Variants in PRKCD observed in about 807,000 individuals in gnomAD.
PRKCD encodes protein kinase C delta type.
A neutral mutation model predicts 82.2 loss-of-function variants in PRKCD; 20 were observed. The observed-to-expected ratio is 0.24, with a 90% CI of 0.17 to 0.35. PRKCD has a LOEUF of 0.35. PRKCD is among the 10% of genes least tolerant of loss of function. The probability of loss-of-function intolerance (pLI) is 1.00; values close to 1 mark genes in which losing one functional copy is unlikely to be tolerated. For missense variants in PRKCD, 607 were observed against 899.0 expected (o/e 0.68, Z 4.15); for synonymous variants, 317 against 337.0 (o/e 0.94, Z 0.65).
In PRKCD at chr3:53,169,614, G is replaced by T. The variant is rs368754280; in HGVS notation, c.-20+4399G>T. Among the ~76,000 whole-genome samples, 29 of 152,276 alleles carry T rather than the reference G, an allele frequency of 1.9e-4. No individual in the cohort carries two copies. The South Asian group carries it at 5.8e-3, about 30-fold the overall frequency. ...GGTTGTGGGCTGGGGTTGTTGGGGT[G>T]GGAGGAGGATCCCAGGGTCCTCCAG... On this transcript the variant is annotated intron_variant, in intron 2 of 18. Transcript: ENST00000330452. The surrounding 1 kb of genome is among the most constrained non-coding windows in gnomAD (Gnocchi z 4.7).
intron 17 of PRKCD, among the ~76,000 whole-genome samples, chr3:53,189,474 C>T (rs1176338827): frequency 3.3e-5 from 5 of 152,218 alleles, no homozygotes; most frequent in African/African-American, 1.2e-4. Flanking sequence ...GGTCAGGAGA[C>T]AGACCCGAGG....
chr3:53,165,991 G>T (rs577708662), intron 2 of PRKCD, among the ~76,000 whole-genome samples: 7 of 152,306 alleles, frequency 4.6e-5, no homozygotes, highest in African/African-American at 1.7e-4. Context: ...ACTGGTGGTG[G>T]GTATGGGTGC....
At chr3:53,185,137 G>A (rs1703625533) in intron 10 of PRKCD, among the ~76,000 whole-genome samples, 163 bp downstream of exon 10, 1 of 152,184 alleles carries the variant, frequency 6.6e-6, no homozygotes, top group Non-Finnish European at 1.5e-5. Flanking sequence ...GAGGGAGGGG[G>A]GCTTTTTTTC....
At chr3:53,165,001 A>C (rs1702788127) in intron 1 of PRKCD, 103 bp from the exon 2 acceptor site, 2 of 152,200 alleles carry the variant, frequency 1.3e-5, no homozygotes, top group Admixed American at 6.5e-5. Context: ...TTTTAGGTCC[A>C]GGAGAGACTG....
Position 53,192,110 on chromosome 3 carries a change from G to T in PRKCD, c.1875G>T (p.Lys625Asn). 1 of 1,614,004 alleles carries T rather than the reference G, an allele frequency of 6.2e-7. No homozygotes were observed. The highest frequency in any genetic ancestry group is 8.5e-7 in the Non-Finnish European group (1 of 1,179,986). ...RLEPPFRPKVKSPRDYSNFDQ... is the reference protein window; with the variant it reads ...RLEPPFRPKVNSPRDYSNFDQ... ...TCACCCCTGCCCTCTGCTTGTAGAAGTCACCCAGAGACTACAGTAACTTTG... is the reference window on the plus strand; with the variant it reads ...TCACCCCTGCCCTCTGCTTGTAGAATTCACCCAGAGACTACAGTAACTTTG... The change falls in exon 19 of 19, where the codon AAG becomes AAT. Residue 625 changes from lysine (K) to asparagine (N), a missense_variant and splice_region_variant. This residue lies in a region of PRKCD where 251 missense variants were observed against 423.9 expected (regional missense o/e 0.59). Transcript: ENST00000330452.
intron 3 of PRKCD, among the ~76,000 whole-genome samples, chr3:53,178,966 A>C (rs1553666556): frequency 1.3e-5 from 2 of 152,198 alleles, no homozygotes; most frequent in Non-Finnish European, 1.5e-5. Flanking sequence ...TCTGAACCTG[A>C]GGTCAGGGAG....
chr3:53,185,495 G>T, intron 10 of PRKCD, 109 bp from the exon 11 acceptor site: 2 of 897,826 alleles, frequency 2.2e-6, no homozygotes, highest in Non-Finnish European at 3.5e-6. Context: ...TGCCCCTGTT[G>T]TCTCCTCTTG....
chr3:53,182,556 A>G (rs1238067275), intron 7 of PRKCD, among the ~76,000 whole-genome samples: 4 of 152,210 alleles, frequency 2.6e-5, no homozygotes, highest in Non-Finnish European at 5.9e-5. Context: ...GGCGTGAGCC[A>G]TCGTGCCTGG....
At position 53,183,097 on chromosome 3, in the gene PRKCD, C is replaced by A. The variant is rs544971256; in HGVS notation, c.572-24C>A. On this transcript the variant is annotated intron_variant, in intron 7 of 18. Transcript: ENST00000330452. ...CCCCTCCCGGTGCTTTCCCTTCCCC[C>A]TCCTGGGCCTGTGCCTCTTCAAGAA... 18 of 1,613,266 alleles carry A rather than the reference C, an allele frequency of 1.1e-5. No homozygotes were observed. The East Asian group carries it at 2.9e-4, about 26-fold the overall frequency.
In PRKCD at chr3:53,181,439, A is replaced by C. The variant is rs782743798; in HGVS notation, c.377-5A>C. The C allele has an allele frequency of 3.7e-6, 6 of 1,614,156 alleles. No homozygotes were observed. The highest frequency in any genetic ancestry group is 5.1e-6 in the Non-Finnish European group (6 of 1,179,994). On this transcript the variant is annotated splice_region_variant and splice_polypyrimidine_tract_variant and intron_variant, in intron 5 of 18. Transcript: ENST00000330452. ...GGGCTGACTTCCCTACTCCATGGTC[A>C]CCAGATTGCAAACAGTCTATGCGCA...
intron 9 of PRKCD, 24 bp from the exon 10 acceptor site, chr3:53,184,850 A>T: frequency 1.2e-6 from 2 of 1,608,836 alleles, no homozygotes; most frequent in Non-Finnish European, 1.7e-6. Context: ...TGAGACTGAC[A>T]GCCCCGCTTC....
intron 15 of PRKCD, 87 bp downstream of exon 15, chr3:53,187,489 C>A: frequency 7.0e-7 from 1 of 1,432,228 alleles, no homozygotes; most frequent in Non-Finnish European, 9.7e-7. Context: ...AGGATCCCCC[C>A]AACTCCAGTT....
intron 1 of PRKCD, among the ~76,000 whole-genome samples, chr3:53,163,404 C>T (rs57046386): frequency 0.1 from 15,131 of 151,654 alleles, 974 homozygotes; most frequent in East Asian, 0.22. Context: ...TGTGGGAGAC[C>T]ATGAGGATGT....
chr3:53,176,191 C>T (rs1333521305), intron 2 of PRKCD, among the ~76,000 whole-genome samples: 8 of 152,094 alleles, frequency 5.3e-5, no homozygotes, highest in African/African-American at 1.7e-4. Context: ...CTGAAGGCTT[C>T]GGGACTTGGG....
chr3:53,189,272 T>C, intron 17 of PRKCD, 26 bp downstream of exon 17: 1 of 542,100 alleles, frequency 1.8e-6, no homozygotes, highest in Non-Finnish European at 2.7e-6. Flanking sequence ...TGGGCTGGGC[T>C]GGTCTGGGCT....
chr3:53,187,546 T>A, intron 15 of PRKCD, 144 bp downstream of exon 15: 1 of 939,796 alleles, frequency 1.1e-6, no homozygotes, highest in Non-Finnish European at 1.6e-6. Context: ...TGCCTATGCC[T>A]CCCACCCTGG....
chr3:53,178,371 C>G lies in PRKCD; in HGVS notation c.-19-33C>G, dbSNP rs924762248. 3.3e-6 allele frequency: 5 copies of G among 1,504,948 alleles called. No homozygotes were observed. The African/African-American group carries it at 6.9e-5, about 21-fold the overall frequency. The allele number at this position is 1,504,948 out of a possible 1,614,324, so 93.2% of individuals were successfully genotyped here. On this transcript the variant is annotated intron_variant, in intron 2 of 18. Coordinates refer to ENST00000330452, the MANE Select transcript of PRKCD (RefSeq NM_006254.4). The stretch of plus-strand genomic sequence containing the variant: ...CGTGACTGTTCCCGCTGGTCCCGCC[C>G]GGCCGCCTGGCCTCACCCCTCTGTG...
chr3:53,186,447 G>T (rs1447740435), intron 13 of PRKCD, 107 bp downstream of exon 13: 2 of 1,425,936 alleles, frequency 1.4e-6, no homozygotes, highest in African/African-American at 1.5e-5. Flanking sequence ...CTTAAGGCAG[G>T]GCCATGCTTT....
chr3:53,182,872 C>T (rs565404142), intron 7 of PRKCD, among the ~76,000 whole-genome samples: 75 of 152,316 alleles, frequency 4.9e-4, no homozygotes, highest in South Asian at 4.3e-3. Context: ...CCTCCCTGCC[C>T]ACTAGGACTC....
Sources: allele counts gnomAD v4.1 joint callset (sites outside exome capture counted in the v4.1 genomes callset), GRCh38; gene constraint gnomAD v4.1.1; regional missense constraint gnomAD v4.1.1; non-coding constraint Gnocchi (gnomAD v3.1); transcripts MANE v1.5; gene names NCBI Gene and HGNC (gene_info 2026-07-23, HGNC 2026-07-21).